The following NKX2-3 variants were observed in gnomAD, a reference collection of about 807,000 sequenced individuals.
NKX2-3 encodes the protein NK2 homeobox 3.
NKX2-3 carries 3 observed loss-of-function variants against 14.2 expected under a neutral mutation model. That is an observed-to-expected ratio of 0.21 (90% CI 0.10 to 0.55). The LOEUF is 0.55. Among genes scored for constraint, NKX2-3 ranks in the 20% least tolerant of loss-of-function variants. The pLI is 0.94. For synonymous variants in NKX2-3, 276 were observed against 234.2 expected (o/e 1.18, Z -1.63); for missense variants, 511 against 514.5 (o/e 0.99, Z 0.06).
At chr10:99,534,790 C>T (rs1236996317) in intron 1 of NKX2-3, among the ~76,000 whole-genome samples, 195 bp from the exon 2 acceptor site, 1 of 152,260 alleles carries the variant, frequency 6.6e-6, no homozygotes, top group Non-Finnish European at 1.5e-5. Flanking sequence ...GCGCCTCCGC[C>T]TGCTAAGGGC....
At position 99,533,209 on chromosome 10, in the gene NKX2-3, C is replaced by G; in HGVS notation, c.78C>G (p.His26Gln). 1 of 1,607,518 alleles carries G rather than the reference C, an allele frequency of 6.2e-7. No homozygotes were observed. Among genetic ancestry groups the G allele is most frequent in the Non-Finnish European group, 8.5e-7 (1 of 1,175,148 alleles). ...DILNLEQQHQ[H>Q]FHGAHLQADL... is the part of the protein sequence containing the mutation. ...TGAATCTGGAGCAGCAGCACCAGCA[C>G]TTCCATGGTGCGCACTTGCAGGCGG... Residue 26 changes from histidine to glutamine, a missense_variant, in exon 1 of 2, where the codon CAC becomes CAG. By Grantham distance (24) the His-to-Gln change is conservative. Transcript: ENST00000344586.
At position 99,535,483 on chromosome 10, in the gene NKX2-3, C is replaced by T. The variant is rs2033959517; in HGVS notation, c.857C>T (p.Ala286Val). 3 of 1,220,830 alleles carry T rather than the reference C, an allele frequency of 2.5e-6. No homozygotes were observed. Among genetic ancestry groups the T allele is most frequent in the Non-Finnish European group, 2.1e-6 (2 of 974,750 alleles). 75.6% of individuals were successfully genotyped at this position (1,220,830 alleles called of 1,614,324 possible). The part of the protein sequence containing the change: ...AAAAAAAAAA[A>V]YSSSYGCAYP... The stretch of plus-strand genomic sequence containing the variant: ...GCCGCCGCCGCCGCAGCAGCGGCGG[C>T]CTACAGCAGCAGCTATGGCTGTGCG... Residue 286 changes from alanine (A) to valine (V), a missense_variant, in exon 2 of 2, where the codon GCC (alanine) becomes GTC (valine). By Grantham distance (64) the Ala-to-Val change is moderately conservative. Transcript: ENST00000344586.
chr10:99,535,457 C>G lies in NKX2-3; in HGVS notation c.831C>G (p.Ala277=), dbSNP rs751674367. Residue 277 remains alanine (A), a synonymous_variant, in exon 2 of 2, where the codon GCC becomes GCG. Transcript: ENST00000344586. ...ACTCGGCCGCGGCCGCCGCCGCCGC[C>G]GCCGCCGCCGCCGCAGCAGCGGCGG... ...YGNSAAAAAA[A]AAAAAAAAAY... 3.2e-4 allele frequency: 395 copies of G among 1,223,176 alleles called. 2 individuals carry two copies. The Middle Eastern group carries it at 4.6e-3, about 14-fold the overall frequency. 75.8% of individuals were successfully genotyped at this position (1,223,176 alleles called of 1,614,324 possible). A position where few individuals can be genotyped will look rare whatever the true frequency, so the allele number is the denominator to read the frequency against.
rs145068124 is a variant in NKX2-3, at chr10:99,536,217, G to A, written c.*496G>A. On this transcript the variant is annotated 3_prime_UTR_variant, in exon 2 of 2. Transcript: ENST00000344586. Reference sequence around the variant, plus strand: ...GGGCCTGGAGCGCCATAGCACAGTCGATTTCGTTTCGCAGCTGTCTCCCCT... The same window carrying A: ...GGGCCTGGAGCGCCATAGCACAGTCAATTTCGTTTCGCAGCTGTCTCCCCT... The A allele has an allele frequency of 3.9e-3, 601 of 155,478 alleles. 19 individuals are homozygous for A. In the South Asian group the frequency reaches 0.077, roughly 20 times the overall value. The allele number at this position is 155,478 out of a possible 1,614,324, so 9.6% of individuals were successfully genotyped here. A position where few individuals can be genotyped will look rare whatever the true frequency, so the allele number is the denominator to read the frequency against.
rs1226017904 is a variant in NKX2-3, at chr10:99,535,052, G to C, written c.426G>C (p.Arg142Ser). 1 of 1,606,854 alleles carries C rather than the reference G, an allele frequency of 6.2e-7. No homozygotes were observed. The highest frequency in any genetic ancestry group is 1.7e-5 in the Admixed American group (1 of 59,238). ...GDCKAAEESE[R>S]PKPRSRRKPR... ...GCAAGGCGGCGGAGGAGAGCGAGAG[G>C]CCGAAGCCACGCAGCCGCCGGAAGC... The change falls in exon 2 of 2, where the codon AGG becomes AGC. Residue 142 changes from arginine to serine, a missense_variant. Arg to Ser is a moderately radical substitution (Grantham distance 110). Around this residue, in one of 3 missense-constraint regions of NKX2-3, gnomAD observed 243 missense variants for 242.3 expected, o/e 1.00. Transcript: ENST00000344586.
At chr10:99,534,329 CA>C (rs1248337308) in intron 1 of NKX2-3, among the ~76,000 whole-genome samples, 1 of 152,234 alleles carries the variant, frequency 6.6e-6, no homozygotes, top group African/African-American at 2.4e-5. Flanking sequence ...AGTCTTTCCC[CA>C]AGAGGCGGTT....
At position 99,535,163 on chromosome 10, in the gene NKX2-3, G is replaced by A. The variant is rs1473097691; in HGVS notation, c.537G>A (p.Glu179=). ...GGTACCTGTCGGCACCCGAGCGCGAGCACCTCGCCAGCAGCCTGAAGCTCA... is the reference window on the plus strand; with the variant it reads ...GGTACCTGTCGGCACCCGAGCGCGAACACCTCGCCAGCAGCCTGAAGCTCA... ...QQRYLSAPER[E]HLASSLKLTS... The change falls in exon 2 of 2, where the codon GAG becomes GAA. Residue 179 remains glutamate, a synonymous_variant. Coordinates refer to ENST00000344586, the MANE Select transcript of NKX2-3 (RefSeq NM_145285.3). The A allele has an allele frequency of 6.2e-7, 1 of 1,613,346 alleles. No homozygotes were observed. The highest frequency in any genetic ancestry group is 8.5e-7 in the Non-Finnish European group (1 of 1,179,844).
At chr10:99,534,512 A>G (rs558026554) in intron 1 of NKX2-3, among the ~76,000 whole-genome samples, 23 of 152,376 alleles carry the variant, frequency 1.5e-4, no homozygotes, top group Admixed American at 9.1e-4. Flanking sequence ...TCCCTGAGCC[A>G]TGCACAAGCG....
rs1589973293 is a variant in NKX2-3 at position 99,535,061 on chromosome 10, A to C, written c.435A>C (p.Pro145=). The change falls in exon 2 of 2, where the codon CCA becomes CCC. Residue 145 remains proline (P), a synonymous_variant. Coordinates refer to ENST00000344586, the MANE Select transcript of NKX2-3 (RefSeq NM_145285.3). ...CGGAGGAGAGCGAGAGGCCGAAGCCACGCAGCCGCCGGAAGCCCCGGGTCC... is the reference window on the plus strand; with the variant it reads ...CGGAGGAGAGCGAGAGGCCGAAGCCCCGCAGCCGCCGGAAGCCCCGGGTCC... ...KAAEESERPK[P]RSRRKPRVLF... is the part of the protein sequence containing the mutation. 1 of 1,606,368 alleles carries C rather than the reference A, an allele frequency of 6.2e-7. No homozygotes were observed. The highest frequency in any genetic ancestry group is 1.3e-5 in the African/African-American group (1 of 74,822).
intron 1 of NKX2-3, among the ~76,000 whole-genome samples, chr10:99,534,338 G>A (rs2033943812): frequency 6.6e-6 from 1 of 152,242 alleles, no homozygotes; most frequent in African/African-American, 2.4e-5. Flanking sequence ...CCAAGAGGCG[G>A]TTTGATGTGG....
At position 99,535,447 on chromosome 10, in the gene NKX2-3, C is replaced by G. The variant is rs2119560966; in HGVS notation, c.821C>G (p.Ala274Gly). The change falls in exon 2 of 2, where the codon GCC becomes GGC. Residue 274 changes from alanine (A) to glycine (G), a missense_variant. Around this residue, in one of 3 missense-constraint regions of NKX2-3, gnomAD observed 264 missense variants for 254.7 expected, o/e 1.04. Coordinates refer to ENST00000344586, the MANE Select transcript of NKX2-3 (RefSeq NM_145285.3). The stretch of plus-strand genomic sequence containing the variant: ...GGCTATGGGAACTCGGCCGCGGCCG[C>G]CGCCGCCGCCGCCGCCGCCGCCGCA... Reference protein sequence around the residue: ...AYGYGNSAAAAAAAAAAAAAA... With the variant: ...AYGYGNSAAAGAAAAAAAAAA... 1 of 1,253,736 alleles carries G rather than the reference C, an allele frequency of 8.0e-7. No homozygotes were observed. Among genetic ancestry groups the G allele is most frequent in the Non-Finnish European group, 1.0e-6 (1 of 990,946 alleles). The allele number at this position is 1,253,736 out of a possible 1,614,324, so 77.7% of individuals were successfully genotyped here.
Position 99,535,250 on chromosome 10 carries a change from G to A in NKX2-3, c.624G>A (p.Gln208=). 6.2e-7 allele frequency: 1 copy of A among 1,611,126 alleles called. No individual in the cohort carries two copies. Among genetic ancestry groups the A allele is most frequent in the Non-Finnish European group, 8.5e-7 (1 of 1,179,192 alleles). ...GGTACAAGTGCAAGAGACAGCGGCA[G>A]GACAAGTCTCTGGAGCTTGGCGCAC... ...NRRYKCKRQR[Q]DKSLELGAHA... is the part of the protein sequence containing the mutation. The change falls in exon 2 of 2, where the codon CAG becomes CAA. Residue 208 remains glutamine, a synonymous_variant. Coordinates refer to ENST00000344586, the MANE Select transcript of NKX2-3 (RefSeq NM_145285.3).
intron 1 of NKX2-3, among the ~76,000 whole-genome samples, chr10:99,533,822 C>T (rs1040801805): frequency 2.0e-5 from 3 of 152,228 alleles, no homozygotes; most frequent in African/African-American, 7.2e-5. Context: ...CTCTTCCCCC[C>T]GCCCCAAAAG....
In NKX2-3 at chr10:99,535,034, G is replaced by C. The variant is rs1402402916; in HGVS notation, c.408G>C (p.Ala136=). Residue 136 remains alanine, a synonymous_variant, in exon 2 of 2, where the codon GCG becomes GCC. Coordinates refer to ENST00000344586, the MANE Select transcript of NKX2-3 (RefSeq NM_145285.3). Reference sequence around the variant, plus strand: ...TAGAGACGGCCGGAGACTGCAAGGCGGCGGAGGAGAGCGAGAGGCCGAAGC... The same window carrying C: ...TAGAGACGGCCGGAGACTGCAAGGCCGCGGAGGAGAGCGAGAGGCCGAAGC... ...KSLETAGDCK[A]AEESERPKPR... 3 of 1,606,570 alleles carry C rather than the reference G, an allele frequency of 1.9e-6. No individual in the cohort carries two copies. In the African/African-American group the frequency reaches 4.0e-5, roughly 21 times the overall value.
rs1453080237 is a variant in NKX2-3 at position 99,535,583 on chromosome 10, G to A, written c.957G>A (p.Ala319=). ...ATTAMQPACS[A]AGGGPFVNVS... Reference sequence around the variant, plus strand: ...CTGCCATGCAGCCCGCCTGCAGCGCGGCCGGAGGCGGCCCCTTTGTGAACG... The same window carrying A: ...CTGCCATGCAGCCCGCCTGCAGCGCAGCCGGAGGCGGCCCCTTTGTGAACG... The change falls in exon 2 of 2, where the codon GCG becomes GCA. Residue 319 remains alanine (A), a synonymous_variant. Transcript: ENST00000344586. The A allele has an allele frequency of 3.3e-6, 5 of 1,501,488 alleles. No individual in the cohort carries two copies. In the African/African-American group the frequency reaches 7.3e-5, roughly 22 times the overall value. The allele number at this position is 1,501,488 out of a possible 1,614,324, so 93.0% of individuals were successfully genotyped here.
intron 1 of NKX2-3, among the ~76,000 whole-genome samples, chr10:99,534,185 C>A (rs1465341368): frequency 6.6e-6 from 1 of 152,220 alleles, no homozygotes; most frequent in Admixed American, 6.5e-5. Flanking sequence ...TCCCAGGCTG[C>A]GGGCCTAATA....
chr10:99,535,684 G>T lies in NKX2-3; in HGVS notation c.1058G>T (p.Cys353Phe). 1 of 1,536,376 alleles carries T rather than the reference G, an allele frequency of 6.5e-7. No homozygotes were observed. Among genetic ancestry groups the T allele is most frequent in the Non-Finnish European group, 8.7e-7 (1 of 1,145,760 alleles). The stretch of plus-strand genomic sequence containing the variant: ...CAGGGTACTGCAGCCGGGGCCGCGT[G>T]CGCTCAGGGCACCTTGCAGGGCATC... ...LHQGTAAGAACAQGTLQGIRA... is the reference protein window; with the variant it reads ...LHQGTAAGAAFAQGTLQGIRA... Residue 353 changes from cysteine (C) to phenylalanine (F), a missense_variant, in exon 2 of 2, where the codon TGC becomes TTC. Cys to Phe is a radical substitution (Grantham distance 205). This residue lies in a region of NKX2-3 where 264 missense variants were observed against 254.7 expected (regional missense o/e 1.04). Transcript: ENST00000344586.
Position 99,535,291 on chromosome 10 carries a change from C to G in NKX2-3, c.665C>G (p.Pro222Arg). The G allele has an allele frequency of 6.3e-7, 1 of 1,591,374 alleles. No homozygotes were observed. Among genetic ancestry groups the G allele is most frequent in the Non-Finnish European group, 8.5e-7 (1 of 1,170,194 alleles). ...LELGAHAPPP[P>R]PRRVAVPVLV... ...CTTGGCGCACACGCGCCCCCGCCGC[C>G]GCCGCGCCGCGTGGCTGTCCCGGTG... Residue 222 changes from proline (P) to arginine (R), a missense_variant, in exon 2 of 2, where the codon CCG becomes CGG. Physicochemically the swap from Pro to Arg is moderately radical, Grantham distance 103 (BLOSUM62 -2). Transcript: ENST00000344586.
chr10:99,535,298 C>T lies in NKX2-3; in HGVS notation c.672C>T (p.Arg224=). The change falls in exon 2 of 2, where the codon CGC becomes CGT. Residue 224 remains arginine, a synonymous_variant. Transcript: ENST00000344586. ...LGAHAPPPPP[R]RVAVPVLVRD... ...CACACGCGCCCCCGCCGCCGCCGCG[C>T]CGCGTGGCTGTCCCGGTGCTGGTGC... 7 of 1,586,838 alleles carry T rather than the reference C, an allele frequency of 4.4e-6. No individual in the cohort carries two copies. The highest frequency in any genetic ancestry group is 1.9e-4 in the Middle Eastern group (1 of 5,194).
Sources: allele counts gnomAD v4.1 joint callset (sites outside exome capture counted in the v4.1 genomes callset), GRCh38; gene constraint gnomAD v4.1.1; regional missense constraint gnomAD v4.1.1; transcripts MANE v1.5; gene names NCBI Gene and HGNC (gene_info 2026-07-23, HGNC 2026-07-21).